PALS1: variants seen among roughly 807,000 people sequenced by gnomAD.
PALS1 encodes protein PALS1.
Under a neutral mutation model 78.9 loss-of-function variants are expected in PALS1, and 31 were observed. The ratio of observed to expected loss-of-function variants is 0.39; its 90% CI spans 0.30 to 0.53. The LOEUF (loss-of-function observed/expected upper bound fraction) is 0.53, where lower values mean the gene tolerates loss of function less well. Among genes scored for constraint, PALS1 ranks in the 20% least tolerant of loss-of-function variants. The pLI is 0.67. For synonymous variants in PALS1, 276 were observed against 270.9 expected (o/e 1.02, Z -0.18); for missense variants, 704 against 826.5 (o/e 0.85, Z 1.82).
chr14:67,320,000 A>C (rs1378788262), intron 11 of PALS1, among the ~76,000 whole-genome samples: 1 of 152,200 alleles, frequency 6.6e-6, no homozygotes, highest in African/African-American at 2.4e-5. Flanking sequence ...GTATAATTAT[A>C]TTGTATTAGA....
intron 2 of PALS1, 22 bp from the exon 3 acceptor site, chr14:67,278,996 T>C (rs1054712050): frequency 3.0e-5 from 17 of 570,346 alleles, no homozygotes; most frequent in East Asian, 9.6e-5. Flanking sequence ...TACACTTTTT[T>C]CCCCCCCATC....
At position 67,301,454 on chromosome 14, in the gene PALS1, T is replaced by C. The variant is rs1217640649; in HGVS notation, c.642T>C (p.Thr214=). Residue 214 remains threonine, a synonymous_variant, in exon 5 of 15, where the codon ACT becomes ACC. Coordinates refer to ENST00000261681, the MANE Select transcript of PALS1 (RefSeq NM_022474.4). ...EGQELTALLN[T]PHIQALLLAH... ...AAGAACTAACTGCTTTGCTGAATACTCCACATATTCAGGTAGAAAATGGAC... is the reference window on the plus strand; with the variant it reads ...AAGAACTAACTGCTTTGCTGAATACCCCACATATTCAGGTAGAAAATGGAC... The C allele has an allele frequency of 5.0e-6, 8 of 1,607,986 alleles. No homozygotes were observed. The highest frequency in any genetic ancestry group is 6.8e-6 in the Non-Finnish European group (8 of 1,175,736).
intron 3 of PALS1, among the ~76,000 whole-genome samples, chr14:67,283,691 T>C (rs1166289330): frequency 6.6e-6 from 1 of 152,090 alleles, no homozygotes; most frequent in Non-Finnish European, 1.5e-5. Flanking sequence ...AATTCTGTGA[T>C]TTAGTCAGGT....
At chr14:67,300,884 G>T (rs112248402) in intron 4 of PALS1, among the ~76,000 whole-genome samples, 1 of 150,698 alleles carries the variant, frequency 6.6e-6, no homozygotes, top group Non-Finnish European at 1.5e-5. Context: ...TAGAGACAGG[G>T]TCTCACTGTG....
chr14:67,285,107 A>G (rs2084665928), intron 3 of PALS1, among the ~76,000 whole-genome samples: 1 of 152,136 alleles, frequency 6.6e-6, no homozygotes, highest in Non-Finnish European at 1.5e-5. Context: ...AGTAATATTA[A>G]GTTCCCCATC....
chr14:67,282,579 CAG>C (rs2084621817), intron 3 of PALS1, among the ~76,000 whole-genome samples: 1 of 151,984 alleles, frequency 6.6e-6, no homozygotes, highest in Non-Finnish European at 1.5e-5. Flanking sequence ...AGAAAATACT[CAG>C]AAAGGATGAA....
At chr14:67,258,215 G>A (rs2140486522) in intron 1 of PALS1, among the ~76,000 whole-genome samples, 1 of 152,188 alleles carries the variant, frequency 6.6e-6, no homozygotes, top group African/African-American at 2.4e-5. Context: ...CAGTCTAGTT[G>A]AGAAGATAAG....
At chr14:67,299,241 G>A (rs1321780241) in intron 4 of PALS1, among the ~76,000 whole-genome samples, 2 of 151,966 alleles carry the variant, frequency 1.3e-5, no homozygotes, top group African/African-American at 2.4e-5. Context: ...CATTTTAATC[G>A]TCTTGAGTTG....
Position 67,323,235 on chromosome 14 carries a change from G to GTA in PALS1, c.1741-466_1741-465insAT, listed in dbSNP as rs2085292087. Among the ~76,000 whole-genome samples the GTA allele has an allele frequency of 8.8e-3, 150 of 17,038 alleles. 1 individual carries two copies. The highest frequency in any genetic ancestry group is 0.072 in the Admixed American group (107 of 1,494). The allele number at this position is 17,038 out of a possible 152,430, so 11.2% of individuals were successfully genotyped here. A position where few individuals can be genotyped will look rare whatever the true frequency, so the allele number is the denominator to read the frequency against. The stretch of plus-strand genomic sequence containing the variant: ...TACATATATACACATATATACACGT[G>GTA]TGTGTGTGTGTGTGTGTGTGTGTGT... On this transcript the variant is annotated intron_variant, in intron 13 of 14. Coordinates refer to ENST00000261681, the MANE Select transcript of PALS1 (RefSeq NM_022474.4).
At chr14:67,321,477 A>C (rs528415513) in intron 13 of PALS1, among the ~76,000 whole-genome samples, 1 of 152,314 alleles carries the variant, frequency 6.6e-6, no homozygotes, top group Non-Finnish European at 1.5e-5. Flanking sequence ...CAGGTTGACT[A>C]TCTCTTATTC....
chr14:67,270,757 T>C (rs1175018234), intron 2 of PALS1: 1 of 152,186 alleles, frequency 6.6e-6, no homozygotes, highest in Non-Finnish European at 1.5e-5. Context: ...ATAATGTTTC[T>C]TTAATTCTGG....
chr14:67,254,721 C>G (rs947350566), intron 1 of PALS1, among the ~76,000 whole-genome samples: 11 of 152,302 alleles, frequency 7.2e-5, no homozygotes, highest in Admixed American at 3.3e-4. Flanking sequence ...AACTATCCCC[C>G]CACCTGCCTT....
intron 14 of PALS1, among the ~76,000 whole-genome samples, chr14:67,330,520 A>G (rs959937841): frequency 5.0e-5 from 7 of 140,926 alleles, no homozygotes; most frequent in South Asian, 2.2e-4. Context: ...GTGCAGTGGC[A>G]CTATCTCTGC....
chr14:67,294,228 T>G (rs1353551308), intron 4 of PALS1: 1 of 152,188 alleles, frequency 6.6e-6, no homozygotes, highest in Non-Finnish European at 1.5e-5. Flanking sequence ...TATAGTGTCT[T>G]CAGTGATAGA....
At chr14:67,314,773 C>T (rs778165231) in intron 9 of PALS1, among the ~76,000 whole-genome samples, 1 of 152,156 alleles carries the variant, frequency 6.6e-6, no homozygotes, top group Non-Finnish European at 1.5e-5. Context: ...GGCTTTCCAT[C>T]AGAATTAGAC....
chr14:67,257,873 G>T (rs920214823), intron 1 of PALS1, among the ~76,000 whole-genome samples: 1 of 151,954 alleles, frequency 6.6e-6, no homozygotes, highest in Non-Finnish European at 1.5e-5. Flanking sequence ...ACAACTATAC[G>T]TACAACACAT....
At chr14:67,289,608 G>A (rs1193558733) in intron 3 of PALS1, among the ~76,000 whole-genome samples, 5 of 151,970 alleles carry the variant, frequency 3.3e-5, no homozygotes, top group African/African-American at 9.7e-5. Flanking sequence ...GAAAGATAGC[G>A]AACCTCAAGA....
chr14:67,323,935 A>G (rs574787893), intron 14 of PALS1, 123 bp downstream of exon 14: 1 of 576,360 alleles, frequency 1.7e-6, no homozygotes, highest in South Asian at 2.4e-5. Flanking sequence ...TTTTTTCTGT[A>G]ATATTACTTG....
intron 8 of PALS1, among the ~76,000 whole-genome samples, chr14:67,309,083 G>C (rs2085051466): frequency 6.6e-6 from 1 of 152,108 alleles, no homozygotes. Context: ...GTAAACAGAA[G>C]ATTTTGTTTT....
Sources: gnomAD v4.1 joint callset for allele counts (sites outside exome capture counted in the v4.1 genomes callset) on GRCh38, gnomAD v4.1.1 for gene constraint, MANE v1.5 for transcripts, NCBI Gene and HGNC (gene_info 2026-07-23, HGNC 2026-07-21) for gene names.